TOX4: variants seen among roughly 807,000 people sequenced by gnomAD.
TOX4 encodes epidermal Langerhans cell protein LCP1.
A neutral mutation model predicts 61.0 loss-of-function variants in TOX4; 12 were observed. The ratio of observed to expected loss-of-function variants is 0.20; its 90% CI spans 0.13 to 0.32. The LOEUF is 0.32. Among genes scored for constraint, TOX4 ranks in the 10% least tolerant of loss-of-function variants. TOX4 has a pLI of 1.00. For synonymous variants in TOX4, 268 were observed against 274.8 expected (o/e 0.98, Z 0.24); for missense variants, 499 against 753.3 (o/e 0.66, Z 3.95).
Position 21,496,794 on chromosome 14 carries a change from C to T in TOX4, c.*188C>T. The T allele has an allele frequency of 1.8e-6, 1 of 565,612 alleles. No individual in the cohort carries two copies. Among genetic ancestry groups the T allele is most frequent in the Non-Finnish European group, 3.1e-6 (1 of 317,946 alleles). 35.0% of individuals were successfully genotyped at this position (565,612 alleles called of 1,614,324 possible). A position where few individuals can be genotyped will look rare whatever the true frequency, so the allele number is the denominator to read the frequency against. On this transcript the variant is annotated 3_prime_UTR_variant, in exon 9 of 9. Coordinates refer to ENST00000448790, the MANE Select transcript of TOX4 (RefSeq NM_014828.4). ...GCAGGGCCACTGAATTTGCTGTAAT[C>T]TGGAGATGCTTTTTACTTTCAACCA...
In TOX4 at chr14:21,496,506, T is replaced by G. The variant is rs199501754; in HGVS notation, c.1806-40T>G. ...TCTAGGCTGTAATTCTATTTCAGTTTGTGTATAATTCTGTTTGTGTATGTC... is the reference window on the plus strand; with the variant it reads ...TCTAGGCTGTAATTCTATTTCAGTTGGTGTATAATTCTGTTTGTGTATGTC... On this transcript the variant is annotated intron_variant, in intron 8 of 8. Transcript: ENST00000448790. 5.8e-6 allele frequency: 9 copies of G among 1,564,130 alleles called. No homozygotes were observed. The African/African-American group carries it at 1.1e-4, about 19-fold the overall frequency.
At position 21,492,877 on chromosome 14, in the gene TOX4, C is replaced by T; in HGVS notation, c.1261C>T (p.Arg421Trp). The T allele has an allele frequency of 6.2e-7, 1 of 1,612,116 alleles. No individual in the cohort carries two copies. The highest frequency in any genetic ancestry group is 8.5e-7 in the Non-Finnish European group (1 of 1,179,324). The change falls in exon 7 of 9, where the codon CGG becomes TGG. Residue 421 changes from arginine (R) to tryptophan (W), a missense_variant. This residue lies in a region of TOX4 where 296 missense variants were observed against 404.7 expected (regional missense o/e 0.73). Transcript: ENST00000448790. ...QPSQQAQIVT[R>W]SVLQAAAAAA... ...CAGTCAACAAGCCCAGATTGTCACT[C>T]GGTCAGTGTTGCAGGCAGCAGCAGC...
At chr14:21,477,376 G>A in intron 1 of TOX4, 92 bp downstream of exon 1, 3 of 1,612,698 alleles carry the variant, frequency 1.9e-6, no homozygotes, top group South Asian at 1.1e-5. Flanking sequence ...GCGACTGACG[G>A]GAGAGGAGAG....
At position 21,496,504 on chromosome 14, in the gene TOX4, T is replaced by C. The variant is rs1170961215; in HGVS notation, c.1806-42T>C. ...TATCTAGGCTGTAATTCTATTTCAG[T>C]TTGTGTATAATTCTGTTTGTGTATG... is the stretch of plus-strand genomic sequence containing the variant. On this transcript the variant is annotated intron_variant, in intron 8 of 8. Transcript: ENST00000448790. 6.4e-6 allele frequency: 10 copies of C among 1,553,242 alleles called. No individual in the cohort carries two copies. In the South Asian group the frequency reaches 1.0e-4, roughly 16 times the overall value.
At chr14:21,480,298 T>G (rs1311052701) in intron 2 of TOX4, among the ~76,000 whole-genome samples, 1 of 152,224 alleles carries the variant, frequency 6.6e-6, no homozygotes, top group Admixed American at 6.5e-5. Context: ...TAAGAAATCT[T>G]ATTTTATTTT....
chr14:21,492,224 A>G (rs1891305052), intron 5 of TOX4, 72 bp from the exon 6 acceptor site: 7 of 1,359,276 alleles, frequency 5.1e-6, no homozygotes, highest in Non-Finnish European at 7.2e-6. Flanking sequence ...ATTGATAAAT[A>G]ATACAGAACT....
intron 2 of TOX4, chr14:21,482,501 T>G: frequency 2.3e-6 from 1 of 441,452 alleles, no homozygotes; most frequent in Non-Finnish European, 4.6e-6. Context: ...GATTTTTTGG[T>G]TCTCTTGATA....
At position 21,496,353 on chromosome 14, in the gene TOX4, C is replaced by T. The variant is rs1006951423; in HGVS notation, c.1806-193C>T. Reference sequence around the variant, plus strand: ...CCATCCTGGCTAACACAGTGAAACCCTGTCCCCACTAAAAATACAAAAAAT... The same window carrying T: ...CCATCCTGGCTAACACAGTGAAACCTTGTCCCCACTAAAAATACAAAAAAT... On this transcript the variant is annotated intron_variant, in intron 8 of 8. Transcript: ENST00000448790. 4.0e-5 allele frequency: 20 copies of T among 501,614 alleles called. No individual in the cohort carries two copies. The Admixed American group carries it at 4.3e-4, about 11-fold the overall frequency. The allele number at this position is 501,614 out of a possible 1,614,324, so 31.1% of individuals were successfully genotyped here.
chr14:21,487,021 C>T (rs549237733), intron 2 of TOX4, among the ~76,000 whole-genome samples: 43 of 152,132 alleles, frequency 2.8e-4, no homozygotes, highest in Non-Finnish European at 4.4e-4. Flanking sequence ...TGGCTGACAG[C>T]GAATTTCTGT....
rs1313362905 is a variant in TOX4 at position 21,498,880 on chromosome 14, A to C, written c.*2274A>C. 4 of 623,948 alleles carry C rather than the reference A, an allele frequency of 6.4e-6. No homozygotes were observed. Among genetic ancestry groups the C allele is most frequent in the Non-Finnish European group, 1.1e-5 (4 of 351,918 alleles). The allele number at this position is 623,948 out of a possible 1,614,324, so 38.7% of individuals were successfully genotyped here. A position where few individuals can be genotyped will look rare whatever the true frequency, so the allele number is the denominator to read the frequency against. ...GAATATTTGTAGAATCTCATAAAAC[A>C]GTTTAAATACAAGCTTAAGTGGCTT... is the stretch of plus-strand genomic sequence containing the variant. On this transcript the variant is annotated 3_prime_UTR_variant, in exon 9 of 9. Transcript: ENST00000448790.
chr14:21,492,998 C>A lies in TOX4; in HGVS notation c.1382C>A (p.Thr461Asn). The change falls in exon 7 of 9, where the codon ACC becomes AAC. Residue 461 changes from threonine (T) to asparagine (N), a missense_variant. Coordinates refer to ENST00000448790, the MANE Select transcript of TOX4 (RefSeq NM_014828.4). ...MPQPPTQQQV[T>N]ILQQPPPLQA... is the part of the protein sequence containing the mutation. ...CAGCCCCCGACTCAGCAGCAAGTTA[C>A]CATTCTGCAGCAGCCTCCTCCACTC... 2 of 1,613,342 alleles carry A rather than the reference C, an allele frequency of 1.2e-6. No individual in the cohort carries two copies. The highest frequency in any genetic ancestry group is 8.5e-7 in the Non-Finnish European group (1 of 1,179,586).
In TOX4 at chr14:21,490,334, G is replaced by A. The variant is rs144217191; in HGVS notation, c.810+931G>A. On this transcript the variant is annotated intron_variant, in intron 5 of 8. Transcript: ENST00000448790. ...TACTAAAAATACAAAAAAATTAGCC[G>A]GGTGTGGTGGCATGCCTCAAATCCC... 3.8e-3 allele frequency among the ~76,000 whole-genome samples: 585 copies of A among 152,160 alleles called. 4 individuals carry two copies. Among genetic ancestry groups the A allele is most frequent in the African/African-American group, 0.013 (550 of 41,502 alleles).
At chr14:21,491,741 G>A (rs1891294853) in intron 5 of TOX4, among the ~76,000 whole-genome samples, 1 of 151,268 alleles carries the variant, frequency 6.6e-6, no homozygotes, top group South Asian at 2.1e-4. Context: ...GCCAGGCGTG[G>A]TGGCTCACGC....
At chr14:21,490,297 A>G (rs1891263884) in intron 5 of TOX4, among the ~76,000 whole-genome samples, 1 of 151,680 alleles carries the variant, frequency 6.6e-6, no homozygotes, top group South Asian at 2.1e-4. Flanking sequence ...GCTGACATTG[A>G]AACCCCGACT....
At chr14:21,495,113 C>A in intron 7 of TOX4, 116 bp from the exon 8 acceptor site, 4 of 1,185,680 alleles carry the variant, frequency 3.4e-6, no homozygotes, top group Non-Finnish European at 4.8e-6. Context: ...TTTTGCCCCC[C>A]AGTGTGAGGA....
chr14:21,480,893 C>A (rs1566479134), intron 2 of TOX4, among the ~76,000 whole-genome samples: 1 of 152,104 alleles, frequency 6.6e-6, no homozygotes, highest in Non-Finnish European at 1.5e-5. Flanking sequence ...GAGTTCAAGA[C>A]CAGCCTGAGC....
intron 2 of TOX4, among the ~76,000 whole-genome samples, chr14:21,482,108 C>T (rs1038468392): frequency 1.3e-5 from 2 of 152,110 alleles, no homozygotes; most frequent in African/African-American, 4.8e-5. Flanking sequence ...GAGAGCATTG[C>T]CTGAGGCGGA....
At chr14:21,485,922 A>G (rs1468420998) in intron 2 of TOX4, among the ~76,000 whole-genome samples, 3 of 105,698 alleles carry the variant, frequency 2.8e-5, no homozygotes, top group South Asian at 3.2e-4. Context: ...ACATTTCAGG[A>G]TCTAGAGGAA....
chr14:21,495,130 A>G, intron 7 of TOX4, 99 bp from the exon 8 acceptor site: 1 of 1,381,110 alleles, frequency 7.2e-7, no homozygotes, highest in Non-Finnish European at 1.0e-6. Context: ...AGGAATTCTA[A>G]TACCTGTTGC....
Sources: gnomAD v4.1 joint callset for allele counts (sites outside exome capture counted in the v4.1 genomes callset) on GRCh38, gnomAD v4.1.1 for gene constraint, gnomAD v4.1.1 regional missense constraint, MANE v1.5 for transcripts, NCBI Gene and HGNC (gene_info 2026-07-23, HGNC 2026-07-21) for gene names.